The following ZNF750 variants were observed in gnomAD, a reference collection of about 807,000 sequenced individuals.
The protein encoded by ZNF750 is zinc finger protein 750, also known as protein ZNF750.
A neutral mutation model predicts 31.6 loss-of-function variants in ZNF750; 10 were observed. That is an observed-to-expected ratio of 0.32 (90% confidence interval 0.19 to 0.54). The LOEUF is 0.54. ZNF750 is among the 20% of genes least tolerant of loss of function. The probability of loss-of-function intolerance (pLI) is 0.95; values close to 1 mark genes in which losing one functional copy is unlikely to be tolerated. For synonymous variants in ZNF750, 400 were observed against 404.9 expected (o/e 0.99, Z 0.15); for missense variants, 914 against 934.9 (o/e 0.98, Z 0.29).
At position 82,830,832 on chromosome 17, in the gene ZNF750, G is replaced by A. The variant is rs1355427951; in HGVS notation, c.1482C>T (p.Ala494=). 1 of 1,613,294 alleles carries A rather than the reference G, an allele frequency of 6.2e-7. No individual in the cohort carries two copies. Among genetic ancestry groups the A allele is most frequent in the East Asian group, 2.2e-5 (1 of 44,884 alleles). ...NGDPPAPTGS[A]SLVSEAAPSS... ...AAGGCGCGGCCTCCGAGACGAGAGAGGCGCTTCCGGTCGGAGCAGGAGGGT... is the reference window on the plus strand; with the variant it reads ...AAGGCGCGGCCTCCGAGACGAGAGAAGCGCTTCCGGTCGGAGCAGGAGGGT... The change falls in exon 3 of 3, where the codon GCC becomes GCT. Residue 494 remains alanine (A), a synonymous_variant. Coordinates refer to ENST00000269394, the MANE Select transcript of ZNF750 (RefSeq NM_024702.3).
intron 1 of ZNF750, chr17:82,838,746 G>T (rs1226459044): frequency 6.1e-6 from 6 of 985,276 alleles, no homozygotes; most frequent in African/African-American, 5.2e-5. Flanking sequence ...CAGTCTTTGG[G>T]AATGTAATTT....
intron 1 of ZNF750, among the ~76,000 whole-genome samples, chr17:82,836,580 G>A (rs548060331): frequency 3.0e-4 from 45 of 151,682 alleles, no homozygotes; most frequent in South Asian, 1.0e-3. Context: ...TACCTCTAGC[G>A]CCTGAAACAC....
intron 1 of ZNF750, chr17:82,838,914 A>G: frequency 1.0e-6 from 1 of 985,432 alleles, no homozygotes. Flanking sequence ...GCCTTTGCTA[A>G]TGCGCAGTGA....
In ZNF750 at chr17:82,833,354, A is replaced by G. The variant is rs1352790359; in HGVS notation, c.-182-718T>C. Reference sequence around the variant, plus strand: ...TAAGCACTCGTGGCAGTTTCTGCCCACTTTAGCCACGTCGTTGGTGTATTC... The same window carrying G: ...TAAGCACTCGTGGCAGTTTCTGCCCGCTTTAGCCACGTCGTTGGTGTATTC... On this transcript the variant is annotated intron_variant, in intron 1 of 2. Coordinates refer to ENST00000269394, the MANE Select transcript of ZNF750 (RefSeq NM_024702.3). The surrounding 1 kb of genome is among the most constrained non-coding windows in gnomAD (Gnocchi z 4.7). Among the ~76,000 whole-genome samples the G allele has an allele frequency of 6.6e-6, 1 of 152,148 alleles. No homozygotes were observed. Among genetic ancestry groups the G allele is most frequent in the African/African-American group, 2.4e-5 (1 of 41,438 alleles).
At chr17:82,837,760 TA>T (rs2054112714) in intron 1 of ZNF750, among the ~76,000 whole-genome samples, 2 of 152,206 alleles carry the variant, frequency 1.3e-5, no homozygotes, top group African/African-American at 4.8e-5. Flanking sequence ...CTGAAATACT[TA>T]TGCAGAGTCT....
chr17:82,831,228 C>G lies in ZNF750; in HGVS notation c.1227G>C (p.Thr409=). The change falls in exon 2 of 3, where the codon ACG becomes ACC. Residue 409 remains threonine (T), a synonymous_variant. Coordinates refer to ENST00000269394, the MANE Select transcript of ZNF750 (RefSeq NM_024702.3). The surrounding 1 kb of genome is among the most constrained non-coding windows in gnomAD (Gnocchi z 4.6). ...TGGGGCTCGGCCTCCCTGGGGAGCC[C>G]GTGGCTGCACTCCCTGCGCGGGGGC... is the stretch of plus-strand genomic sequence containing the variant. ...KMSPRAGSAA[T]GSPGRPSPTD... The G allele has an allele frequency of 1.2e-6, 2 of 1,614,004 alleles. No individual in the cohort carries two copies. Among genetic ancestry groups the G allele is most frequent in the African/African-American group, 1.3e-5 (1 of 75,048 alleles).
chr17:82,830,466 C>T lies in ZNF750; in HGVS notation c.1848G>A (p.Glu616=). ...GDGAPPTGPG[E]EAPDACAVDS... ...CCACCGCGCATGCGTCTGGAGCCTC[C>T]TCGCCGGGGCCTGTGGGTGGGGCCC... Residue 616 remains glutamate (E), a synonymous_variant, in exon 3 of 3, where the codon GAG becomes GAA. Transcript: ENST00000269394. 1 of 1,612,706 alleles carries T rather than the reference C, an allele frequency of 6.2e-7. No individual in the cohort carries two copies. Among genetic ancestry groups the T allele is most frequent in the East Asian group, 2.2e-5 (1 of 44,884 alleles).
rs746268185 is a variant in ZNF750, at chr17:82,830,274, A to C, written c.2040T>G (p.Cys680Trp). The C allele has an allele frequency of 5.0e-6, 8 of 1,614,202 alleles. No homozygotes were observed. The Admixed American group carries it at 1.3e-4, about 27-fold the overall frequency. Reference sequence around the variant, plus strand: ...TCTTTTGTCCTTTGGGTCTGAGGTCACACTGGGCCTCTTGGCTCTCCATGG... The same window carrying C: ...TCTTTTGTCCTTTGGGTCTGAGGTCCCACTGGGCCTCTTGGCTCTCCATGG... ...LSSMESQEAQ[C>W]DLRPKGQKRT... Residue 680 changes from cysteine to tryptophan, a missense_variant, in exon 3 of 3, where the codon TGT becomes TGG. Transcript: ENST00000269394.
intron 1 of ZNF750, among the ~76,000 whole-genome samples, chr17:82,836,333 A>G (rs1422695802): frequency 6.6e-6 from 1 of 152,230 alleles, no homozygotes; most frequent in Non-Finnish European, 1.5e-5. Flanking sequence ...CCATGATTGT[A>G]TAGGATGTGT....
At position 82,830,551 on chromosome 17, in the gene ZNF750, T is replaced by C. The variant is rs1316698187; in HGVS notation, c.1763A>G (p.Glu588Gly). Residue 588 changes from glutamate (E) to glycine (G), a missense_variant, in exon 3 of 3, where the codon GAA becomes GGA. Glu to Gly is a moderately conservative substitution (Grantham distance 98). Coordinates refer to ENST00000269394, the MANE Select transcript of ZNF750 (RefSeq NM_024702.3). ...GTGGCTGGGCCCATCCTCAGAACCT[T>C]CTGTCCCAGTCTTCTGTGGAACAGC... ...AAAVPQKTGT[E>G]GSEDGPSHPE... 2 of 1,614,086 alleles carry C rather than the reference T, an allele frequency of 1.2e-6. No homozygotes were observed. Among genetic ancestry groups the C allele is most frequent in the Non-Finnish European group, 1.7e-6 (2 of 1,180,018 alleles).
At position 82,833,679 on chromosome 17, in the gene ZNF750, C is replaced by G. The variant is rs1472672412; in HGVS notation, c.-182-1043G>C. On this transcript the variant is annotated intron_variant, in intron 1 of 2. Transcript: ENST00000269394. The surrounding 1 kb of genome is among the most constrained non-coding windows in gnomAD (Gnocchi z 4.7). ...GGAAGAACCAAAGCTTTGCCACACT[C>G]CTGCCCGAGAGGAGACCAGAGTGAG... Among the ~76,000 whole-genome samples, 6 of 152,170 alleles carry G rather than the reference C, an allele frequency of 3.9e-5. No homozygotes were observed. Among genetic ancestry groups the G allele is most frequent in the Non-Finnish European group, 8.8e-5 (6 of 68,028 alleles).
rs2054321589 is a variant in ZNF750, at chr17:82,839,933, T to G, written c.-189A>C. On this transcript the variant is annotated 5_prime_UTR_variant, in exon 1 of 3. Coordinates refer to ENST00000269394, the MANE Select transcript of ZNF750 (RefSeq NM_024702.3). Reference sequence around the variant, plus strand: ...AGAAATAGTGAGTACTTACCAGAGGTGGGCAGTGCTGGGATGTGGCCGGTC... The same window carrying G: ...AGAAATAGTGAGTACTTACCAGAGGGGGGCAGTGCTGGGATGTGGCCGGTC... The G allele has an allele frequency of 6.6e-6, 1 of 152,388 alleles. No individual in the cohort carries two copies. Among genetic ancestry groups the G allele is most frequent in the Admixed American group, 6.5e-5 (1 of 15,280 alleles). 9.4% of individuals were successfully genotyped at this position (152,388 alleles called of 1,614,324 possible).
At position 82,834,482 on chromosome 17, in the gene ZNF750, A is replaced by G. The variant is rs569094403; in HGVS notation, c.-182-1846T>C. Among the ~76,000 whole-genome samples, 3 of 152,384 alleles carry G rather than the reference A, an allele frequency of 2.0e-5. No individual in the cohort carries two copies. The South Asian group carries it at 6.2e-4, about 32-fold the overall frequency. On this transcript the variant is annotated intron_variant, in intron 1 of 2. Coordinates refer to ENST00000269394, the MANE Select transcript of ZNF750 (RefSeq NM_024702.3). The stretch of plus-strand genomic sequence containing the variant: ...TAAATGACCCAAATGCCTATCAGTG[A>G]TAGACTGAATAAAGAAAATGCGGCA...
chr17:82,839,539 T>A (rs2054286993), intron 1 of ZNF750, among the ~76,000 whole-genome samples: 1 of 152,164 alleles, frequency 6.6e-6, no homozygotes, highest in Non-Finnish European at 1.5e-5. Context: ...AACCCTAAAT[T>A]CACCCTAATG....
chr17:82,837,262 A>G (rs1567863414), intron 1 of ZNF750, among the ~76,000 whole-genome samples: 1 of 152,232 alleles, frequency 6.6e-6, no homozygotes, highest in Non-Finnish European at 1.5e-5. Context: ...CCAGTACCTC[A>G]GGCTGTCACA....
In ZNF750 at chr17:82,831,526, T is replaced by C; in HGVS notation, c.929A>G (p.Gln310Arg). ...AGGAATCGGCAGGTTAGAGGGATAT[T>C]GCTGGAAAAACCTGTAGTGATCGTA... Reference protein sequence around the residue: ...ATYDHYRFFQQYPSNLPIPYG... With the variant: ...ATYDHYRFFQRYPSNLPIPYG... The change falls in exon 2 of 3, where the codon CAA (glutamine) becomes CGA (arginine). Residue 310 changes from glutamine (Q) to arginine (R), a missense_variant. Gln to Arg is a conservative substitution (Grantham distance 43). Around this residue, in one of 2 missense-constraint regions of ZNF750, gnomAD observed 880 missense variants for 868.9 expected, o/e 1.01. Transcript: ENST00000269394. This position sits in a 1 kb window ranked among gnomAD's most constrained non-coding sequence, Gnocchi z 4.6. The C allele has an allele frequency of 6.2e-7, 1 of 1,614,058 alleles. No individual in the cohort carries two copies. Among genetic ancestry groups the C allele is most frequent in the Non-Finnish European group, 8.5e-7 (1 of 1,179,998 alleles).
chr17:82,830,525 G>A lies in ZNF750; in HGVS notation c.1789C>T (p.Pro597Ser). 6.2e-7 allele frequency: 1 copy of A among 1,614,072 alleles called. No individual in the cohort carries two copies. The highest frequency in any genetic ancestry group is 8.5e-7 in the Non-Finnish European group (1 of 1,180,014). ...TEGSEDGPSH[P>S]ETKPGSLDGD... The stretch of plus-strand genomic sequence containing the variant: ...TCGAGGCTGCCTGGCTTGGTCTCAG[G>A]GTGGCTGGGCCCATCCTCAGAACCT... Residue 597 changes from proline (P) to serine (S), a missense_variant, in exon 3 of 3, where the codon CCT (proline) becomes TCT (serine). Pro to Ser is a moderately conservative substitution (Grantham distance 74, BLOSUM62 -1). Around this residue, in one of 2 missense-constraint regions of ZNF750, gnomAD observed 880 missense variants for 868.9 expected, o/e 1.01. Coordinates refer to ENST00000269394, the MANE Select transcript of ZNF750 (RefSeq NM_024702.3).
chr17:82,838,916 G>T, intron 1 of ZNF750: 3 of 985,398 alleles, frequency 3.0e-6, no homozygotes, highest in Non-Finnish European at 2.4e-6. Context: ...CTTTGCTAAT[G>T]CGCAGTGAAA....
chr17:82,836,778 A>G (rs1212504512), intron 1 of ZNF750, among the ~76,000 whole-genome samples: 1 of 152,250 alleles, frequency 6.6e-6, no homozygotes, highest in African/African-American at 2.4e-5. Context: ...CAAAAGCTTT[A>G]CAACAGGCAG....
Sources: allele counts gnomAD v4.1 joint callset (sites outside exome capture counted in the v4.1 genomes callset), GRCh38; gene constraint gnomAD v4.1.1; regional missense constraint gnomAD v4.1.1; non-coding constraint Gnocchi (gnomAD v3.1); transcripts MANE v1.5; gene names NCBI Gene and HGNC (gene_info 2026-07-23, HGNC 2026-07-21).